The following FRMD6 variants were observed in gnomAD, a reference collection of about 807,000 sequenced individuals.
The protein encoded by FRMD6 is FERM domain containing 6.
In FRMD6, 37 loss-of-function variants were observed where a neutral mutation model predicts 73.2. The observed-to-expected ratio is 0.51, with a 90% CI of 0.39 to 0.66. The LOEUF is 0.66. FRMD6 is among the 30% of genes least tolerant of loss of function. The probability of loss-of-function intolerance (pLI) is 0.00; values close to 1 mark genes in which losing one functional copy is unlikely to be tolerated. For missense variants in FRMD6, 714 were observed against 780.5 expected, an observed-to-expected ratio of 0.91 and a Z score of 1.02; for synonymous variants, 273 against 282.2, an observed-to-expected ratio of 0.97 and a Z score of 0.33.
At position 51,612,493 on chromosome 14, in the gene FRMD6, G is replaced by A. The variant is rs542138295; in HGVS notation, c.-147+42083G>A. The stretch of plus-strand genomic sequence containing the variant: ...TCTAATTTTATCTTGCCAGGTAACC[G>A]GCTACATGACCTTGGGCCTAAATTG... On this transcript the variant is annotated intron_variant, in intron 2 of 14. Transcript: ENST00000356218. 5.3e-5 allele frequency among the ~76,000 whole-genome samples: 8 copies of A among 152,310 alleles called. No homozygotes were observed. The South Asian group carries it at 6.2e-4, about 12-fold the overall frequency.
intron 1 of FRMD6, among the ~76,000 whole-genome samples, chr14:51,520,585 C>T (rs920412758): frequency 2.0e-5 from 3 of 152,132 alleles, no homozygotes; most frequent in African/African-American, 7.2e-5. Context: ...ATATCCATAC[C>T]ATGAAATTAA....
chr14:51,411,857 G>A, the FRMD6 span, among the ~76,000 whole-genome samples: 1 of 152,162 alleles, frequency 6.6e-6, no homozygotes, highest in African/African-American at 2.4e-5. Flanking sequence ...TTTGGAATAT[G>A]AGGTTTCCTT....
At chr14:51,432,502 A>G in the FRMD6 span, among the ~76,000 whole-genome samples, 1,400 of 152,272 alleles carry the variant, frequency 9.2e-3, 25 homozygotes, top group South Asian at 0.03. Context: ...TGGTGAGTTG[A>G]TTGACTTTTC....
intron 4 of FRMD6, 113 bp from the exon 5 acceptor site, chr14:51,702,399 A>ACC (rs1183860035): frequency 1.2e-6 from 1 of 819,900 alleles, no homozygotes; most frequent in Non-Finnish European, 2.1e-6. Context: ...AGTAAATAAA[A>ACC]CCTATCAGTG....
At chr14:51,583,396 T>C (rs1373823408) in intron 2 of FRMD6, among the ~76,000 whole-genome samples, 3 of 152,202 alleles carry the variant, frequency 2.0e-5, no homozygotes, top group Non-Finnish European at 4.4e-5. Context: ...GCGAAGATCC[T>C]TGCTGTTTAC....
At position 51,631,855 on chromosome 14, in the gene FRMD6, T is replaced by C. The variant is rs182651779; in HGVS notation, c.-146-57836T>C. ...GTGAAAATTAGCAAAAGTGACTACA[T>C]GGTGTTTTGTCGCAACAAATTCTGA... On this transcript the variant is annotated intron_variant, in intron 2 of 14. Coordinates refer to the FRMD6 transcript ENST00000356218. 3.2e-3 allele frequency among the ~76,000 whole-genome samples: 487 copies of C among 152,300 alleles called. 3 individuals are homozygous for C. The highest frequency in any genetic ancestry group is 0.014 in the South Asian group (67 of 4,830).
intron 1 of FRMD6, among the ~76,000 whole-genome samples, chr14:51,507,956 G>A (rs552293602): frequency 3.1e-4 from 47 of 152,236 alleles, no homozygotes; most frequent in Middle Eastern, 6.8e-3. Context: ...AGAATGCTCC[G>A]GGCAGCTTGA....
the FRMD6 span, among the ~76,000 whole-genome samples, chr14:51,445,097 A>G: frequency 1.3e-5 from 2 of 152,196 alleles, no homozygotes; most frequent in Non-Finnish European, 2.9e-5. Flanking sequence ...GTTGACCACC[A>G]AAACCTCAGT....
intron 1 of FRMD6, among the ~76,000 whole-genome samples, chr14:51,662,717 G>A (rs181760549): frequency 7.2e-5 from 11 of 152,212 alleles, no homozygotes; most frequent in Admixed American, 2.0e-4. Context: ...AGGCAATACC[G>A]TTCTGGACAT....
At chr14:51,450,291 A>G in the FRMD6 span, among the ~76,000 whole-genome samples, 1 of 152,202 alleles carries the variant, frequency 6.6e-6, no homozygotes, top group African/African-American at 2.4e-5. Context: ...TTGAGTTTCA[A>G]AAATTGAGGA....
intron 1 of FRMD6, among the ~76,000 whole-genome samples, chr14:51,516,500 G>C (rs564554282): frequency 6.6e-6 from 1 of 151,000 alleles, no homozygotes; most frequent in African/African-American, 2.5e-5. Context: ...AAGGACCAGA[G>C]TGAGGGGGTA....
chr14:51,525,411 G>T (rs1391911542), intron 1 of FRMD6, among the ~76,000 whole-genome samples: 7 of 152,000 alleles, frequency 4.6e-5, no homozygotes, highest in Admixed American at 3.9e-4. Flanking sequence ...TGGGACTACA[G>T]GTATGCACCA....
At chr14:51,562,890 G>T (rs999525291) in intron 1 of FRMD6, among the ~76,000 whole-genome samples, 1 of 152,212 alleles carries the variant, frequency 6.6e-6, no homozygotes, top group Admixed American at 6.5e-5. Flanking sequence ...TGCTGGTCAA[G>T]AATTCAGACG....
chr14:51,629,618 T>C (rs1308264972), intron 2 of FRMD6, among the ~76,000 whole-genome samples: 1 of 152,240 alleles, frequency 6.6e-6, no homozygotes, highest in Non-Finnish European at 1.5e-5. Flanking sequence ...ACAGACCCTT[T>C]GATGTCTTTA....
At chr14:51,417,346 G>A in the FRMD6 span, among the ~76,000 whole-genome samples, 1 of 152,130 alleles carries the variant, frequency 6.6e-6, no homozygotes, top group Non-Finnish European at 1.5e-5. Context: ...GGGCAGGCGT[G>A]GTGGTGACAA....
At chr14:51,460,994 A>G in the FRMD6 span, among the ~76,000 whole-genome samples, 9 of 152,308 alleles carry the variant, frequency 5.9e-5, 1 homozygote, top group South Asian at 4.2e-4. Flanking sequence ...CATATAGTTT[A>G]TATAAAAGAT....
At chr14:51,615,170 T>C (rs1333517633) in intron 2 of FRMD6, among the ~76,000 whole-genome samples, 1 of 152,206 alleles carries the variant, frequency 6.6e-6, no homozygotes, top group Non-Finnish European at 1.5e-5. Context: ...CTGTTCTAGC[T>C]GCTCTGCAGA....
At chr14:51,691,329 A>G (rs969037112) in intron 2 of FRMD6, among the ~76,000 whole-genome samples, 10 of 152,178 alleles carry the variant, frequency 6.6e-5, no homozygotes, top group Non-Finnish European at 1.5e-4. Context: ...ACATGTAGAA[A>G]TATTTCTTGG....
chr14:51,411,407 G>T, the FRMD6 span, among the ~76,000 whole-genome samples: 1 of 152,166 alleles, frequency 6.6e-6, no homozygotes, highest in African/African-American at 2.4e-5. Context: ...AACTGGTGGG[G>T]TGCAGAAAGA....
Sources: gnomAD v4.1 joint callset for allele counts (sites outside exome capture counted in the v4.1 genomes callset) on GRCh38, gnomAD v4.1.1 for gene constraint, MANE v1.5 for transcripts, NCBI Gene and HGNC (gene_info 2026-07-23, HGNC 2026-07-21) for gene names.